Variants in RIMS2 observed in about 807,000 individuals in gnomAD.
RIMS2 encodes regulating synaptic membrane exocytosis 2.
A neutral mutation model predicts 174.4 loss-of-function variants in RIMS2; 59 were observed. That is an observed-to-expected ratio of 0.34 (90% confidence interval 0.27 to 0.42). The LOEUF (loss-of-function observed/expected upper bound fraction) is 0.42. RIMS2 is among the 10% of genes least tolerant of loss of function. RIMS2 has a pLI of 1.00. For missense variants in RIMS2, 1,620 were observed against 1,666.3 expected, an observed-to-expected ratio of 0.97 and a Z score of 0.48; for synonymous variants, 606 against 572.5, an observed-to-expected ratio of 1.06 and a Z score of -0.84.
intron 1 of RIMS2, among the ~76,000 whole-genome samples, chr8:103,528,928 G>A (rs1158876365): frequency 6.6e-6 from 1 of 152,208 alleles, no homozygotes; most frequent in Non-Finnish European, 1.5e-5. Context: ...ATTCTGTGAA[G>A]AAAGTCATTG....
intron 1 of RIMS2, among the ~76,000 whole-genome samples, chr8:103,509,781 A>G (rs1316817796): frequency 6.6e-6 from 1 of 152,106 alleles, no homozygotes; most frequent in Non-Finnish European, 1.5e-5. Context: ...AACCTACAAA[A>G]TTGAAGACAA....
intron 1 of RIMS2, among the ~76,000 whole-genome samples, chr8:103,562,121 T>A (rs1467952259): frequency 1.3e-5 from 2 of 152,166 alleles, no homozygotes; most frequent in Non-Finnish European, 2.9e-5. Context: ...ACCATATCAT[T>A]TCACCCCTGG....
chr8:104,142,067 GC>G lies in RIMS2; in HGVS notation c.3335-102847del, dbSNP rs535118533. ...TTTTGAGAATAATGCCTGCTACATA[GC>G]CTACTACTTTTAATTTAATTTATTT... is the stretch of plus-strand genomic sequence containing the variant. On this transcript the variant is annotated intron_variant, in intron 19 of 23. Transcript: ENST00000504942. Among the ~76,000 whole-genome samples the G allele has an allele frequency of 2.0e-4, 31 of 151,312 alleles. No individual in the cohort carries two copies. In the East Asian group the frequency reaches 6.0e-3, roughly 29 times the overall value.
intron 19 of RIMS2, among the ~76,000 whole-genome samples, chr8:104,138,217 C>T (rs887759456): frequency 6.6e-6 from 1 of 152,064 alleles, no homozygotes; most frequent in Admixed American, 6.6e-5. Context: ...AGGTTGCTTC[C>T]AAATCTTGGC....
At chr8:103,755,629 C>A (rs1394458677) in intron 2 of RIMS2, among the ~76,000 whole-genome samples, 1 of 151,212 alleles carries the variant, frequency 6.6e-6, no homozygotes, top group Non-Finnish European at 1.5e-5. Flanking sequence ...TGTTCATTTT[C>A]ACTTTTTTTC....
intron 19 of RIMS2, among the ~76,000 whole-genome samples, chr8:104,174,850 C>A (rs1302157781): frequency 2.6e-5 from 4 of 152,144 alleles, no homozygotes; most frequent in Non-Finnish European, 4.4e-5. Context: ...AATACCTGAT[C>A]CCTATTAAAG....
Position 103,908,982 on chromosome 8 carries a change from A to G in RIMS2, c.1625-1152A>G, listed in dbSNP as rs186806178. Among the ~76,000 whole-genome samples the G allele has an allele frequency of 2.0e-3, 301 of 152,306 alleles. 2 individuals are homozygous for G. Among genetic ancestry groups the G allele is most frequent in the African/African-American group, 6.7e-3 (279 of 41,564 alleles). ...TATTCTTCTTCATTCTTTTTGGTTCAGAAACCATGGTGTTCCTTCAGTTCT... is the reference window on the plus strand; with the variant it reads ...TATTCTTCTTCATTCTTTTTGGTTCGGAAACCATGGTGTTCCTTCAGTTCT... On this transcript the variant is annotated intron_variant, in intron 4 of 23. Transcript: ENST00000504942.
chr8:103,796,973 G>A (rs1275817269), intron 3 of RIMS2, among the ~76,000 whole-genome samples: 1 of 152,096 alleles, frequency 6.6e-6, no homozygotes, highest in East Asian at 1.9e-4. Flanking sequence ...CATGGGAGGA[G>A]GGAAAGGGAT....
chr8:104,099,906 T>C (rs1054013534), intron 19 of RIMS2, among the ~76,000 whole-genome samples: 4 of 151,776 alleles, frequency 2.6e-5, no homozygotes, highest in Non-Finnish European at 4.4e-5. Context: ...AGCCTCTGTC[T>C]CCCCAGGCTC....
chr8:103,556,730 C>T (rs796743609), intron 1 of RIMS2, among the ~76,000 whole-genome samples: 29 of 152,020 alleles, frequency 1.9e-4, no homozygotes, highest in African/African-American at 5.3e-4. Flanking sequence ...GAGAGTTGAA[C>T]GTGTTCTCAG....
At chr8:103,538,121 G>A (rs1037389446) in intron 1 of RIMS2, among the ~76,000 whole-genome samples, 8 of 151,930 alleles carry the variant, frequency 5.3e-5, no homozygotes, top group African/African-American at 1.2e-4. Flanking sequence ...TGGCATATAT[G>A]TATACATATA....
intron 19 of RIMS2, among the ~76,000 whole-genome samples, chr8:104,179,584 A>G (rs1204102866): frequency 6.6e-6 from 1 of 151,902 alleles, no homozygotes; most frequent in Non-Finnish European, 1.5e-5. Context: ...CATAATATCT[A>G]TTTTGTGCTT....
chr8:103,552,535 A>T (rs545912770), intron 1 of RIMS2, among the ~76,000 whole-genome samples: 1 of 152,368 alleles, frequency 6.6e-6, no homozygotes, highest in East Asian at 1.9e-4. Context: ...GGACATAAGC[A>T]TGGGCAAGGA....
chr8:103,949,371 C>A (rs748298724), intron 14 of RIMS2, among the ~76,000 whole-genome samples: 2 of 152,102 alleles, frequency 1.3e-5, no homozygotes, highest in South Asian at 2.1e-4. Context: ...TCATTGAGAA[C>A]ATTCACTAAG....
chr8:104,097,248 A>G (rs2097778696), intron 19 of RIMS2, among the ~76,000 whole-genome samples: 1 of 152,212 alleles, frequency 6.6e-6, no homozygotes, highest in Admixed American at 6.5e-5. Flanking sequence ...CCACGTGTAA[A>G]CACTAAATTC....
intron 1 of RIMS2, among the ~76,000 whole-genome samples, chr8:103,654,003 T>C (rs1481819109): frequency 2.6e-5 from 4 of 152,098 alleles, no homozygotes; most frequent in Non-Finnish European, 5.9e-5. Flanking sequence ...GGAGTAAAAT[T>C]AAATTTAACA....
chr8:104,203,877 C>T (rs749123414), intron 19 of RIMS2, among the ~76,000 whole-genome samples: 2 of 152,120 alleles, frequency 1.3e-5, no homozygotes, highest in Non-Finnish European at 2.9e-5. Flanking sequence ...ATTTCTGAAA[C>T]ATTCAAACGT....
chr8:104,008,060 T>A (rs1210623882), intron 17 of RIMS2, among the ~76,000 whole-genome samples: 1 of 152,170 alleles, frequency 6.6e-6, no homozygotes, highest in Non-Finnish European at 1.5e-5. Context: ...CCATACCTCA[T>A]CAGATATACT....
At chr8:103,889,977 C>T (rs1235195845) in intron 4 of RIMS2, among the ~76,000 whole-genome samples, 1 of 151,916 alleles carries the variant, frequency 6.6e-6, no homozygotes, top group Non-Finnish European at 1.5e-5. Context: ...TTTTTAACCA[C>T]TCTAGGTCTG....
Sources: allele counts gnomAD v4.1 joint callset (sites outside exome capture counted in the v4.1 genomes callset), GRCh38; gene constraint gnomAD v4.1.1; transcripts MANE v1.5; gene names NCBI Gene and HGNC (gene_info 2026-07-23, HGNC 2026-07-21).